Variants in SAT2 observed in about 807,000 individuals in gnomAD.
SAT2 encodes thialysine N-epsilon-acetyltransferase.
A neutral mutation model predicts 24.8 loss-of-function variants in SAT2; 19 were observed. The ratio of observed to expected loss-of-function variants is 0.77; its 90% CI spans 0.53 to 1.12. SAT2 has a LOEUF of 1.12. Among genes scored for constraint, SAT2 ranks in the 50% most tolerant of loss-of-function variants. The pLI is 0.00. For synonymous variants in SAT2, 77 were observed against 77.4 expected (o/e 0.99, Z 0.03); for missense variants, 190 against 210.7 (o/e 0.90, Z 0.61).
At position 7,626,501 on chromosome 17, in the gene SAT2, GCC is replaced by G; in HGVS notation, c.457_458del (p.Gly153LeufsTer28). The G allele has an allele frequency of 6.2e-7, 1 of 1,614,146 alleles. No homozygotes were observed. The highest frequency in any genetic ancestry group is 8.5e-7 in the Non-Finnish European group (1 of 1,180,030). ...LGAQDLTEAE[G>X]WHFFCFQGEA... Reference sequence around the variant, plus strand: ...CTCCTTGAAAGCAGAAGAAGTGCCAGCCCTCAGCTTCCGTCAGATCTTGGGCT... The same window carrying G: ...CTCCTTGAAAGCAGAAGAAGTGCCAGCTCAGCTTCCGTCAGATCTTGGGCT... On this transcript the variant is annotated frameshift_variant, in exon 6 of 6. Coordinates refer to ENST00000269298, the MANE Select transcript of SAT2 (RefSeq NM_133491.5). LOFTEE classifies it high-confidence loss of function.
rs542091354 is a variant in SAT2, at chr17:7,626,376, G to A, written c.*71C>T. 1.1e-5 allele frequency: 17 copies of A among 1,548,806 alleles called. No homozygotes were observed. The highest frequency in any genetic ancestry group is 8.3e-5 in the South Asian group (7 of 84,558). Reference sequence around the variant, plus strand: ...GGCCTCAGCATCAGTGTCTGTGGACGTAGTCTCTGAAGAGTGCTTCAGCTG... The same window carrying A: ...GGCCTCAGCATCAGTGTCTGTGGACATAGTCTCTGAAGAGTGCTTCAGCTG... On this transcript the variant is annotated 3_prime_UTR_variant, in exon 6 of 6. Transcript: ENST00000269298.
chr17:7,627,662 G>A lies in SAT2; in HGVS notation c.-27C>T. The A allele has an allele frequency of 1.2e-6, 2 of 1,613,950 alleles. No individual in the cohort carries two copies. The highest frequency in any genetic ancestry group is 1.7e-6 in the Non-Finnish European group (2 of 1,179,942). On this transcript the variant is annotated 5_prime_UTR_variant, in exon 1 of 6. Transcript: ENST00000269298. This position sits in a 1 kb window ranked among gnomAD's most constrained non-coding sequence, Gnocchi z 4.8. ...CGGATCCCCGCTGTCTGGGACCAAA[G>A]TCCCAGGGCCTCGCAAACGGCAACT...
chr17:7,627,055 G>A lies in SAT2; in HGVS notation c.203-11C>T, dbSNP rs776186358. On this transcript the variant is annotated splice_polypyrimidine_tract_variant and intron_variant, in intron 3 of 5. Coordinates refer to ENST00000269298, the MANE Select transcript of SAT2 (RefSeq NM_133491.5). The surrounding 1 kb of genome is among the most constrained non-coding windows in gnomAD (Gnocchi z 4.8). ...CCACCACGCAGGGCCCTGAGAGAGAGAAAAGGGGAGTAAGGCTTCTGGAAG... is the reference window on the plus strand; with the variant it reads ...CCACCACGCAGGGCCCTGAGAGAGAAAAAAGGGGAGTAAGGCTTCTGGAAG... The A allele has an allele frequency of 4.3e-6, 7 of 1,613,644 alleles. No individual in the cohort carries two copies. Among genetic ancestry groups the A allele is most frequent in the Non-Finnish European group, 1.7e-6 (2 of 1,179,568 alleles).
chr17:7,626,348 G>T lies in SAT2; in HGVS notation c.*99C>A. ...GCACCCCTAACCCTCCTTCCTCCAG[G>T]GAGGCCTCAGCATCAGTGTCTGTGG... On this transcript the variant is annotated 3_prime_UTR_variant, in exon 6 of 6. Coordinates refer to ENST00000269298, the MANE Select transcript of SAT2 (RefSeq NM_133491.5). 1 of 1,357,112 alleles carries T rather than the reference G, an allele frequency of 7.4e-7. No individual in the cohort carries two copies. The highest frequency in any genetic ancestry group is 1.0e-6 in the Non-Finnish European group (1 of 977,380). The allele number at this position is 1,357,112 out of a possible 1,614,324, so 84.1% of individuals were successfully genotyped here. A position where few individuals can be genotyped will look rare whatever the true frequency, so the allele number is the denominator to read the frequency against.
In SAT2 at chr17:7,626,270, A is replaced by T; in HGVS notation, c.*177T>A. 3.1e-6 allele frequency: 2 copies of T among 651,094 alleles called. No homozygotes were observed. Among genetic ancestry groups the T allele is most frequent in the South Asian group, 2.0e-5 (1 of 49,516 alleles). 40.3% of individuals were successfully genotyped at this position (651,094 alleles called of 1,614,324 possible). Reference sequence around the variant, plus strand: ...AATTCTTATTTATTTTTCACCCTCAACAAGGAAGAAAGGTCTCTCCCTCAA... The same window carrying T: ...AATTCTTATTTATTTTTCACCCTCATCAAGGAAGAAAGGTCTCTCCCTCAA... On this transcript the variant is annotated 3_prime_UTR_variant, in exon 6 of 6. Transcript: ENST00000269298.
Position 7,626,555 on chromosome 17 carries a change from C to T in SAT2, c.405G>A (p.Arg135=). The change falls in exon 6 of 6, where the codon AGG becomes AGA. Residue 135 remains arginine (R), a synonymous_variant. Coordinates refer to ENST00000269298, the MANE Select transcript of SAT2 (RefSeq NM_133491.5). ...CTAGGGCCTTGTACAAGTCCATGGC[C>T]CTCTGGTTCCAGTCCAGGACGGCCA... The part of the protein sequence containing the change: ...FRLAVLDWNQ[R]AMDLYKALGA... The T allele has an allele frequency of 6.2e-7, 1 of 1,614,178 alleles. No individual in the cohort carries two copies. The highest frequency in any genetic ancestry group is 8.5e-7 in the Non-Finnish European group (1 of 1,180,024).
At chr17:7,627,835 G>A (rs1224692961), upstream of SAT2, 25 of 670,010 alleles carry the variant, frequency 3.7e-5, no homozygotes, top group South Asian at 4.2e-4. The surrounding 1 kb of genome is among the most constrained non-coding windows in gnomAD (Gnocchi z 4.8). Context: ...AGGCCAGCGA[G>A]GCGATCCTCT....
chr17:7,627,607 T>C lies in SAT2; in HGVS notation c.29A>G (p.Lys10Arg), dbSNP rs1204015300. MASVRIREA[K>R]EGDCGDILRL... ...CAGGATATCTCCACAGTCTCCCTCC[T>C]TGGCCTCTCGGATCCGCACGGAAGC... The change falls in exon 1 of 6, where the codon AAG becomes AGG. Residue 10 changes from lysine (K) to arginine (R), a missense_variant. Lys to Arg is a conservative substitution (Grantham distance 26, BLOSUM62 2). Transcript: ENST00000269298. The surrounding 1 kb of genome is among the most constrained non-coding windows in gnomAD (Gnocchi z 4.8). 2 of 1,613,222 alleles carry C rather than the reference T, an allele frequency of 1.2e-6. No individual in the cohort carries two copies. The highest frequency in any genetic ancestry group is 1.3e-5 in the African/African-American group (1 of 74,852).
intron 4 of SAT2, 63 bp from the exon 5 acceptor site, chr17:7,626,856 A>G: frequency 6.2e-7 from 1 of 1,608,214 alleles, no homozygotes; most frequent in Non-Finnish European, 8.5e-7. Context: ...TCAGAAAATG[A>G]CACCGGCTGG....
chr17:7,626,392 G>C lies in SAT2; in HGVS notation c.*55C>G. On this transcript the variant is annotated 3_prime_UTR_variant, in exon 6 of 6. Coordinates refer to ENST00000269298, the MANE Select transcript of SAT2 (RefSeq NM_133491.5). ...TCTGTGGACGTAGTCTCTGAAGAGT[G>C]CTTCAGCTGATGGGGAAGGAGAAAC... 1 of 1,589,026 alleles carries C rather than the reference G, an allele frequency of 6.3e-7. No individual in the cohort carries two copies. Among genetic ancestry groups the C allele is most frequent in the South Asian group, 1.1e-5 (1 of 88,620 alleles).
Position 7,626,462 on chromosome 17 carries a change from C to T in SAT2, c.498G>A (p.Lys166=). 1 of 1,614,016 alleles carries T rather than the reference C, an allele frequency of 6.2e-7. No homozygotes were observed. The highest frequency in any genetic ancestry group is 8.5e-7 in the Non-Finnish European group (1 of 1,179,972). Residue 166 remains lysine, a synonymous_variant, in exon 6 of 6, where the codon AAG becomes AAA. Transcript: ENST00000269298. ...AGGGATGGCGTCACTTTCCTGCCAA[C>T]TTTCTCGTTGCCTCTCCTTGAAAGC... ...FFCFQGEATR[K]LAGK
At position 7,626,444 on chromosome 17, in the gene SAT2, G is replaced by A. The variant is rs1311969749; in HGVS notation, c.*3C>T. The A allele has an allele frequency of 6.2e-7, 1 of 1,613,772 alleles. No homozygotes were observed. Among genetic ancestry groups the A allele is most frequent in the East Asian group, 2.2e-5 (1 of 44,876 alleles). On this transcript the variant is annotated 3_prime_UTR_variant, in exon 6 of 6. Transcript: ENST00000269298. Reference sequence around the variant, plus strand: ...CAAGACAGAGATCCTCCTAGGGATGGCGTCACTTTCCTGCCAACTTTCTCG... The same window carrying A: ...CAAGACAGAGATCCTCCTAGGGATGACGTCACTTTCCTGCCAACTTTCTCG...
At position 7,627,563 on chromosome 17, in the gene SAT2, T is replaced by G; in HGVS notation, c.66+7A>C. On this transcript the variant is annotated splice_region_variant and intron_variant, in intron 1 of 5. Transcript: ENST00000269298. The surrounding 1 kb of genome is among the most constrained non-coding windows in gnomAD (Gnocchi z 4.8). Reference sequence around the variant, plus strand: ...TGACCCCCGGGTTACCGGCCTGCAGTCTTCACCCGAATCAGCCTCAGGATA... The same window carrying G: ...TGACCCCCGGGTTACCGGCCTGCAGGCTTCACCCGAATCAGCCTCAGGATA... The G allele has an allele frequency of 6.2e-7, 1 of 1,609,418 alleles. No homozygotes were observed. Among genetic ancestry groups the G allele is most frequent in the Non-Finnish European group, 8.5e-7 (1 of 1,177,442 alleles).
chr17:7,627,617 G>C lies in SAT2; in HGVS notation c.19C>G (p.Arg7Gly), dbSNP rs777270367. The C allele has an allele frequency of 2.2e-5, 35 of 1,613,514 alleles. No individual in the cohort carries two copies. The highest frequency in any genetic ancestry group is 3.0e-5 in the Non-Finnish European group (35 of 1,179,828). The change falls in exon 1 of 6, where the codon CGA (arginine) becomes GGA (glycine). Residue 7 changes from arginine to glycine, a missense_variant. By Grantham distance (125) the Arg-to-Gly change is moderately radical. Transcript: ENST00000269298. The surrounding 1 kb of genome is among the most constrained non-coding windows in gnomAD (Gnocchi z 4.8). MASVRI[R>G]EAKEGDCGDI... ...CCACAGTCTCCCTCCTTGGCCTCTC[G>C]GATCCGCACGGAAGCCATCCGGATC...
chr17:7,627,793 T>C lies in SAT2; in HGVS notation c.-158A>G. 1 of 813,072 alleles carries C rather than the reference T, an allele frequency of 1.2e-6. No individual in the cohort carries two copies. 50.4% of individuals were successfully genotyped at this position (813,072 alleles called of 1,614,324 possible). Reference sequence around the variant, plus strand: ...GTAGCCGCGGCCTGGTAAGTGGAGCTGGGATTCCGGCGCCGTACGGGAGGA... The same window carrying C: ...GTAGCCGCGGCCTGGTAAGTGGAGCCGGGATTCCGGCGCCGTACGGGAGGA... On this transcript the variant is annotated 5_prime_UTR_variant, in exon 1 of 6. Coordinates refer to ENST00000269298, the MANE Select transcript of SAT2 (RefSeq NM_133491.5). The surrounding 1 kb of genome is among the most constrained non-coding windows in gnomAD (Gnocchi z 4.8).
rs751888601 is a variant in SAT2, at chr17:7,627,585, G to A, written c.51C>T (p.Ile17=). The A allele has an allele frequency of 5.6e-6, 9 of 1,611,610 alleles. No homozygotes were observed. Among genetic ancestry groups the A allele is most frequent in the Admixed American group, 1.7e-5 (1 of 59,716 alleles). ...REAKEGDCGD[I]LRLIRELAEF... ...CAGTCTTCACCCGAATCAGCCTCAGGATATCTCCACAGTCTCCCTCCTTGG... is the reference window on the plus strand; with the variant it reads ...CAGTCTTCACCCGAATCAGCCTCAGAATATCTCCACAGTCTCCCTCCTTGG... Residue 17 remains isoleucine, a synonymous_variant, in exon 1 of 6, where the codon ATC becomes ATT. Coordinates refer to ENST00000269298, the MANE Select transcript of SAT2 (RefSeq NM_133491.5). The surrounding 1 kb of genome is among the most constrained non-coding windows in gnomAD (Gnocchi z 4.8).
At position 7,627,662 on chromosome 17, in the gene SAT2, G is replaced by T; in HGVS notation, c.-27C>A. On this transcript the variant is annotated 5_prime_UTR_variant, in exon 1 of 6. Coordinates refer to ENST00000269298, the MANE Select transcript of SAT2 (RefSeq NM_133491.5). This position sits in a 1 kb window ranked among gnomAD's most constrained non-coding sequence, Gnocchi z 4.8. ...CGGATCCCCGCTGTCTGGGACCAAA[G>T]TCCCAGGGCCTCGCAAACGGCAACT... The T allele has an allele frequency of 6.2e-7, 1 of 1,613,950 alleles. No individual in the cohort carries two copies. The highest frequency in any genetic ancestry group is 2.2e-5 in the East Asian group (1 of 44,872).
chr17:7,627,705 T>C lies in SAT2; in HGVS notation c.-70A>G. 2 of 1,559,226 alleles carry C rather than the reference T, an allele frequency of 1.3e-6. No individual in the cohort carries two copies. The highest frequency in any genetic ancestry group is 1.8e-6 in the Non-Finnish European group (2 of 1,130,710). On this transcript the variant is annotated 5_prime_UTR_variant, in exon 1 of 6. Transcript: ENST00000269298. The surrounding 1 kb of genome is among the most constrained non-coding windows in gnomAD (Gnocchi z 4.8). ...CGGCAACTAGACCCCTTAAAGGGCC[T>C]ACGGACTTGGATCCTGAAGAGCCTG...
In SAT2 at chr17:7,626,363, A is replaced by G. The variant is rs1352112509; in HGVS notation, c.*84T>C. ...CTTCCTCCAGGGAGGCCTCAGCATCAGTGTCTGTGGACGTAGTCTCTGAAG... is the reference window on the plus strand; with the variant it reads ...CTTCCTCCAGGGAGGCCTCAGCATCGGTGTCTGTGGACGTAGTCTCTGAAG... On this transcript the variant is annotated 3_prime_UTR_variant, in exon 6 of 6. Coordinates refer to ENST00000269298, the MANE Select transcript of SAT2 (RefSeq NM_133491.5). 6.7e-7 allele frequency: 1 copy of G among 1,486,746 alleles called. No homozygotes were observed. The highest frequency in any genetic ancestry group is 1.9e-4 in the Middle Eastern group (1 of 5,270). 92.1% of individuals were successfully genotyped at this position (1,486,746 alleles called of 1,614,324 possible).
Sources: allele counts gnomAD v4.1 joint callset, GRCh38; gene constraint gnomAD v4.1.1; non-coding constraint Gnocchi (gnomAD v3.1); transcripts MANE v1.5; gene names NCBI Gene and HGNC (gene_info 2026-07-23, HGNC 2026-07-21).